HSF2BP: variants seen among roughly 807,000 people sequenced by gnomAD.
HSF2BP encodes heat shock transcription factor 2 binding protein.
Under a neutral mutation model 35.0 loss-of-function variants are expected in HSF2BP, and 35 were observed. The observed-to-expected ratio is 1.00, with a 90% CI of 0.76 to 1.32. The LOEUF is 1.32. HSF2BP is among the 40% of genes most tolerant of loss of function. The pLI is 0.00. For missense variants in HSF2BP, 326 were observed against 321.7 expected (o/e 1.01, Z -0.10); for synonymous variants, 114 against 117.4 (o/e 0.97, Z 0.18).
chr21:43,576,474 G>A (rs2081645526), intron 8 of HSF2BP, among the ~76,000 whole-genome samples: 1 of 152,176 alleles, frequency 6.6e-6, no homozygotes, highest in Non-Finnish European at 1.5e-5. Flanking sequence ...CTGTCACATA[G>A]TAAATGCACA....
intron 7 of HSF2BP, among the ~76,000 whole-genome samples, chr21:43,598,664 A>AAGT (rs2082015769): frequency 7.8e-6 from 1 of 127,890 alleles, no homozygotes; most frequent in Admixed American, 8.8e-5. Flanking sequence ...GCCACACTGC[A>AAGT]AGTTCTTTCA....
intron 4 of HSF2BP, among the ~76,000 whole-genome samples, chr21:43,643,871 C>T (rs1394450046): frequency 1.3e-5 from 2 of 151,458 alleles, no homozygotes; most frequent in Admixed American, 6.6e-5. Context: ...AGGGGAATGG[C>T]GTGAACCCAG....
chr21:43,605,505 A>G (rs1203319745), intron 7 of HSF2BP, among the ~76,000 whole-genome samples: 1 of 131,396 alleles, frequency 7.6e-6, no homozygotes, highest in Non-Finnish European at 1.6e-5. Flanking sequence ...ACCCACACAT[A>G]TCCCCCCACG....
At chr21:43,634,872 T>A (rs1278918181) in intron 4 of HSF2BP, among the ~76,000 whole-genome samples, 1 of 152,204 alleles carries the variant, frequency 6.6e-6, no homozygotes, top group Non-Finnish European at 1.5e-5. Flanking sequence ...AAGAAAACTA[T>A]GTCACAGCAC....
chr21:43,581,007 G>T (rs1416008313), intron 8 of HSF2BP, among the ~76,000 whole-genome samples: 1 of 152,204 alleles, frequency 6.6e-6, no homozygotes, highest in African/African-American at 2.4e-5. Flanking sequence ...GGCAACTGGT[G>T]CCATGGAAAA....
At chr21:43,614,597 G>C (rs543366141) in intron 6 of HSF2BP, among the ~76,000 whole-genome samples, 76 of 152,136 alleles carry the variant, frequency 5.0e-4, no homozygotes, top group Non-Finnish European at 1.0e-3. Flanking sequence ...ATCTTATCTG[G>C]GACTGAGGAT....
At chr21:43,575,056 G>A (rs757443457) in intron 8 of HSF2BP, among the ~76,000 whole-genome samples, 16 of 152,202 alleles carry the variant, frequency 1.1e-4, no homozygotes, top group Non-Finnish European at 1.9e-4. Context: ...TGCTGCTCAC[G>A]CAGCTCCTGC....
intron 5 of HSF2BP, among the ~76,000 whole-genome samples, chr21:43,631,854 C>T (rs150880170): frequency 1.2e-3 from 189 of 152,210 alleles, no homozygotes; most frequent in Admixed American, 2.7e-3. Context: ...AATGCCTGCA[C>T]GCATGCATAC....
intron 8 of HSF2BP, among the ~76,000 whole-genome samples, chr21:43,578,493 G>A (rs749985534): frequency 3.3e-5 from 5 of 152,142 alleles, no homozygotes; most frequent in Non-Finnish European, 7.3e-5. Context: ...GGGAAAAAGG[G>A]TGCAGAACAA....
At chr21:43,582,092 A>G (rs1322186368) in intron 8 of HSF2BP, among the ~76,000 whole-genome samples, 79 of 66,636 alleles carry the variant, frequency 1.2e-3, no homozygotes, top group African/African-American at 5.3e-3. Flanking sequence ...CTGCTGTGGG[A>G]GATGAGGGCC....
chr21:43,640,981 A>G (rs1430241356), intron 4 of HSF2BP, among the ~76,000 whole-genome samples: 2 of 151,934 alleles, frequency 1.3e-5, no homozygotes, highest in Non-Finnish European at 2.9e-5. Context: ...CAAGCACAAA[A>G]CTCCCAAGAT....
At chr21:43,605,980 T>C (rs1178322103) in intron 7 of HSF2BP, among the ~76,000 whole-genome samples, 1 of 151,556 alleles carries the variant, frequency 6.6e-6, no homozygotes, top group Non-Finnish European at 1.5e-5. Context: ...GGGAGTGGAA[T>C]AAACAAGGGA....
At chr21:43,595,574 C>T (rs1413641568) in intron 7 of HSF2BP, among the ~76,000 whole-genome samples, 1 of 151,942 alleles carries the variant, frequency 6.6e-6, no homozygotes, top group African/African-American at 2.4e-5. Context: ...GGGAGGATCA[C>T]TTGAGCCCAG....
At position 43,659,212 on chromosome 21, in the gene HSF2BP, G is replaced by C. The variant is rs1200055964; in HGVS notation, c.-225+174C>G. ...CTTGGGCGGTCGAGATGGGAGGATCGATCGAGTCTGGGAGGTCGAGGCTGC... is the reference window on the plus strand; with the variant it reads ...CTTGGGCGGTCGAGATGGGAGGATCCATCGAGTCTGGGAGGTCGAGGCTGC... On this transcript the variant is annotated intron_variant, in intron 1 of 8. Transcript: ENST00000291560. This position sits in a 1 kb window ranked among gnomAD's most constrained non-coding sequence, Gnocchi z 4.2. Among the ~76,000 whole-genome samples, 1 of 152,076 alleles carries C rather than the reference G, an allele frequency of 6.6e-6. No individual in the cohort carries two copies. Among genetic ancestry groups the C allele is most frequent in the Non-Finnish European group, 1.5e-5 (1 of 68,012 alleles).
chr21:43,598,578 T>C (rs1203641492), intron 7 of HSF2BP, among the ~76,000 whole-genome samples: 8 of 151,940 alleles, frequency 5.3e-5, no homozygotes, highest in Admixed American at 5.2e-4. Context: ...AAGACAGAGC[T>C]ATGCAAGCAC....
At chr21:43,631,505 G>A (rs1382604281) in intron 5 of HSF2BP, among the ~76,000 whole-genome samples, 3 of 151,740 alleles carry the variant, frequency 2.0e-5, no homozygotes, top group Non-Finnish European at 4.4e-5. Context: ...CTGTGTAGAC[G>A]CGATGTGCCA....
intron 3 of HSF2BP, among the ~76,000 whole-genome samples, chr21:43,651,675 C>A (rs544713299): frequency 1.8e-4 from 27 of 152,178 alleles, no homozygotes; most frequent in South Asian, 1.0e-3. Context: ...TTCTGCTATA[C>A]CCCCAATCCT....
rs114880647 is a variant in HSF2BP, at chr21:43,588,634, C to T, written c.796+3591G>A. ...AGGGTACTGACAGACATAAATGTAA[C>T]AAACGTAACACACTTAAAGCCATGA... On this transcript the variant is annotated intron_variant, in intron 8 of 8. Transcript: ENST00000291560. Among the ~76,000 whole-genome samples, 761 of 152,262 alleles carry T rather than the reference C, an allele frequency of 5.0e-3. 10 individuals carry two copies. Among genetic ancestry groups the T allele is most frequent in the African/African-American group, 0.017 (727 of 41,558 alleles).
At chr21:43,593,471 T>C (rs939167132) in intron 7 of HSF2BP, among the ~76,000 whole-genome samples, 2 of 152,066 alleles carry the variant, frequency 1.3e-5, no homozygotes, top group Non-Finnish European at 1.5e-5. Flanking sequence ...GAAGACCAGG[T>C]AAGCAACAGC....
Sources: gnomAD v4.1 joint callset for allele counts (sites outside exome capture counted in the v4.1 genomes callset) on GRCh38, gnomAD v4.1.1 for gene constraint, Gnocchi (gnomAD v3.1) non-coding constraint, MANE v1.5 for transcripts, NCBI Gene and HGNC (gene_info 2026-07-23, HGNC 2026-07-21) for gene names.